Variants in VAV2 observed in about 807,000 individuals in gnomAD.
VAV2 encodes guanine nucleotide exchange factor VAV2.
VAV2 carries 67 observed loss-of-function variants against 132.5 expected under a neutral mutation model. The ratio of observed to expected loss-of-function variants is 0.51; its 90% confidence interval spans 0.42 to 0.62. The LOEUF (loss-of-function observed/expected upper bound fraction) is 0.62. Ranked by LOEUF, VAV2 falls within the 20% of genes least tolerant of loss-of-function variation. The probability of loss-of-function intolerance (pLI) is 0.00; values close to 1 mark genes in which losing one functional copy is unlikely to be tolerated. For synonymous variants in VAV2, 492 were observed against 443.5 expected (o/e 1.11, Z -1.37); for missense variants, 938 against 1,153.6 (o/e 0.81, Z 2.71).
chr9:133,790,138 T>C (rs1362897169), intron 13 of VAV2, among the ~76,000 whole-genome samples: 1 of 152,220 alleles, frequency 6.6e-6, no homozygotes, highest in Non-Finnish European at 1.5e-5. Flanking sequence ...AGGGCCTGGC[T>C]CATGGGGATG....
intron 9 of VAV2, among the ~76,000 whole-genome samples, chr9:133,800,218 C>A (rs1834877944): frequency 6.6e-6 from 1 of 152,236 alleles, no homozygotes; most frequent in African/African-American, 2.4e-5. Context: ...AGAAGCAAGG[C>A]AGGAGGTCCA....
chr9:133,969,117 G>A lies in VAV2; in HGVS notation c.204+22958C>T, dbSNP rs1168683885. 2.7e-5 allele frequency among the ~76,000 whole-genome samples: 4 copies of A among 150,140 alleles called. No homozygotes were observed. Among genetic ancestry groups the A allele is most frequent in the East Asian group, 3.9e-4 (2 of 5,176 alleles). ...TTGCCTGAGATGAATCCCACATGCC[G>A]GGATTCACACTTCCCCCGAGAGCTG... On this transcript the variant is annotated intron_variant, in intron 1 of 29. Coordinates refer to ENST00000371850, the MANE Select transcript of VAV2 (RefSeq NM_001134398.2). The surrounding 1 kb of genome is among the most constrained non-coding windows in gnomAD (Gnocchi z 5.1).
chr9:133,909,259 G>A (rs1839791207), intron 2 of VAV2, among the ~76,000 whole-genome samples: 1 of 152,130 alleles, frequency 6.6e-6, no homozygotes. Context: ...CTCAGAAGGG[G>A]GGTGAAGATG....
At chr9:133,807,534 G>A (rs1273895988) in intron 7 of VAV2, among the ~76,000 whole-genome samples, 1 of 152,186 alleles carries the variant, frequency 6.6e-6, no homozygotes, top group Non-Finnish European at 1.5e-5. Context: ...AGATTCTAAC[G>A]CTCCCAGCGT....
intron 24 of VAV2, 148 bp from the exon 25 acceptor site, chr9:133,775,199 G>T: frequency 1.5e-6 from 1 of 669,284 alleles, no homozygotes; most frequent in Non-Finnish European, 2.5e-6. Flanking sequence ...AGAACAGGCT[G>T]GGTCCCTATG....
intron 21 of VAV2, 109 bp downstream of exon 21, chr9:133,779,809 C>CGTCTGGTG: frequency 6.9e-7 from 1 of 1,439,624 alleles, no homozygotes; most frequent in Non-Finnish European, 9.4e-7. Context: ...GAGCCTGGAG[C>CGTCTGGTG]GTCTGGTGGC....
intron 2 of VAV2, among the ~76,000 whole-genome samples, chr9:133,931,213 T>C (rs1265574137): frequency 6.6e-6 from 1 of 152,044 alleles, no homozygotes; most frequent in Non-Finnish European, 1.5e-5. Context: ...GGGCCAGAGC[T>C]GAGTAAGGGC....
At chr9:133,972,325 C>T (rs761052789) in intron 1 of VAV2, among the ~76,000 whole-genome samples, 2 of 152,214 alleles carry the variant, frequency 1.3e-5, no homozygotes, top group South Asian at 2.1e-4. Flanking sequence ...CCCGTCCGTC[C>T]GACCCTTCTC....
At chr9:133,856,649 G>A (rs1191158438) in intron 3 of VAV2, among the ~76,000 whole-genome samples, 1 of 152,198 alleles carries the variant, frequency 6.6e-6, no homozygotes, top group African/African-American at 2.4e-5. Context: ...ACAGTTCAGG[G>A]GGTCAGAAGT....
At chr9:133,940,694 T>C (rs77479374) in intron 1 of VAV2, among the ~76,000 whole-genome samples, 42,975 of 125,414 alleles carry the variant, frequency 0.34, 6,257 homozygotes, top group East Asian at 0.47. Context: ...TGTGTGTGTG[T>C]GTGTGTGTGT....
rs574248889 is a variant in VAV2, at chr9:133,950,363, A to G, written c.205-11144T>C. 1.7e-4 allele frequency among the ~76,000 whole-genome samples: 26 copies of G among 152,182 alleles called. No homozygotes were observed. In the South Asian group the frequency reaches 4.8e-3, roughly 28 times the overall value. ...CCTCCAGTCCACAGTCAGACACCGA[A>G]TAAGAGGCACCTACTGCATGCTAGG... On this transcript the variant is annotated intron_variant, in intron 1 of 29. Transcript: ENST00000371850.
At position 133,814,406 on chromosome 9, in the gene VAV2, C is replaced by T. The variant is rs540671141; in HGVS notation, c.450-2190G>A. Among the ~76,000 whole-genome samples the T allele has an allele frequency of 7.9e-5, 12 of 152,314 alleles. 1 individual carries two copies. In the East Asian group the frequency reaches 1.9e-3, roughly 25 times the overall value. Reference sequence around the variant, plus strand: ...CCCACGTTTCCGTCACGTGGCAGAGCGAGGCTGGCGGCAAAGCCTCTGTCG... The same window carrying T: ...CCCACGTTTCCGTCACGTGGCAGAGTGAGGCTGGCGGCAAAGCCTCTGTCG... On this transcript the variant is annotated intron_variant, in intron 4 of 29. Transcript: ENST00000371850.
At chr9:133,906,631 T>G (rs1435393394) in intron 2 of VAV2, among the ~76,000 whole-genome samples, 1 of 152,154 alleles carries the variant, frequency 6.6e-6, no homozygotes, top group Non-Finnish European at 1.5e-5. Context: ...GCCAAGAGAC[T>G]GACCCCACAC....
At chr9:133,950,047 C>T (rs868049150) in intron 1 of VAV2, among the ~76,000 whole-genome samples, 20 of 152,188 alleles carry the variant, frequency 1.3e-4, no homozygotes, top group African/African-American at 4.1e-4. Context: ...CACCCGCTGC[C>T]AGGGTCTGTC....
At chr9:133,806,439 C>A (rs930142340) in intron 8 of VAV2, among the ~76,000 whole-genome samples, 1 of 152,182 alleles carries the variant, frequency 6.6e-6, no homozygotes, top group Non-Finnish European at 1.5e-5. Flanking sequence ...AGACACGCAG[C>A]GGCCGACTCG....
chr9:133,954,430 C>G (rs542182322), intron 1 of VAV2, among the ~76,000 whole-genome samples: 1 of 152,370 alleles, frequency 6.6e-6, no homozygotes, highest in South Asian at 2.1e-4. Flanking sequence ...GGAGCTTTCT[C>G]GCCTGGTGCT....
At chr9:133,787,040 T>C (rs1834255759) in intron 16 of VAV2, among the ~76,000 whole-genome samples, 1 of 152,124 alleles carries the variant, frequency 6.6e-6, no homozygotes, top group Admixed American at 6.5e-5. Context: ...ATCACGGAGT[T>C]TTCCTTTCAC....
intron 2 of VAV2, among the ~76,000 whole-genome samples, chr9:133,893,531 G>A (rs1001929014): frequency 2.6e-5 from 4 of 152,206 alleles, no homozygotes; most frequent in African/African-American, 7.2e-5. Flanking sequence ...CTTCATAAAA[G>A]CAAAATCTAG....
rs1833979945 is a variant in VAV2 at position 133,780,766 on chromosome 9, T to C, written c.1724-56A>G. On this transcript the variant is annotated intron_variant, in intron 19 of 29. Transcript: ENST00000371850. ...GGAGGCCACCGACGCCAAGGCCCCG[T>C]GCAGCTCTCACTCACACCGCCCCGA... 6 of 1,258,160 alleles carry C rather than the reference T, an allele frequency of 4.8e-6. No individual in the cohort carries two copies. The African/African-American group carries it at 7.7e-5, about 16-fold the overall frequency. 77.9% of individuals were successfully genotyped at this position (1,258,160 alleles called of 1,614,324 possible).
Sources: allele counts gnomAD v4.1 joint callset (sites outside exome capture counted in the v4.1 genomes callset), GRCh38; gene constraint gnomAD v4.1.1; non-coding constraint Gnocchi (gnomAD v3.1); transcripts MANE v1.5; gene names NCBI Gene and HGNC (gene_info 2026-07-23, HGNC 2026-07-21).